The following CNTNAP2 variants were observed in gnomAD, a reference collection of about 807,000 sequenced individuals.
CNTNAP2 encodes the protein contactin-associated protein-like 2.
A neutral mutation model predicts 155.2 loss-of-function variants in CNTNAP2; 98 were observed. The ratio of observed to expected loss-of-function variants is 0.63; its 90% CI spans 0.54 to 0.75. CNTNAP2 has a LOEUF of 0.75. CNTNAP2 is among the 30% of genes least tolerant of loss of function. The probability of loss-of-function intolerance (pLI) is 0.00; values close to 1 mark genes in which losing one functional copy is unlikely to be tolerated. For missense variants in CNTNAP2, 1,727 were observed against 1,688.1 expected (o/e 1.02, Z -0.40); for synonymous variants, 651 against 631.2 (o/e 1.03, Z -0.47).
chr7:146,141,400 A>G (rs1315610039), intron 1 of CNTNAP2, among the ~76,000 whole-genome samples: 1 of 151,906 alleles, frequency 6.6e-6, no homozygotes, highest in African/African-American at 2.4e-5. Flanking sequence ...TGTATTTTTT[A>G]TGGATTTACT....
chr7:147,381,684 T>C (rs1030976547), intron 9 of CNTNAP2, among the ~76,000 whole-genome samples: 8 of 152,142 alleles, frequency 5.3e-5, no homozygotes. Context: ...TTGCTAAGTA[T>C]CCTAGTTTGT....
intron 1 of CNTNAP2, among the ~76,000 whole-genome samples, chr7:146,121,357 G>A (rs1279463188): frequency 6.6e-6 from 1 of 151,862 alleles, no homozygotes; most frequent in Admixed American, 6.6e-5. Context: ...GTCTACACAT[G>A]TCATCTGTTT....
Position 146,665,649 on chromosome 7 carries a change from C to T in CNTNAP2, c.98-108622C>T, listed in dbSNP as rs1032775564. Among the ~76,000 whole-genome samples, 9 of 151,306 alleles carry T rather than the reference C, an allele frequency of 5.9e-5. No individual in the cohort carries two copies. The South Asian group carries it at 1.0e-3, about 18-fold the overall frequency. On this transcript the variant is annotated intron_variant, in intron 1 of 23. Coordinates refer to ENST00000361727, the MANE Select transcript of CNTNAP2 (RefSeq NM_014141.6). ...ATACAAAATTAGCCAAATGTGGTGG[C>T]GCATGCCTGTAGTCCCAGCTACTCG...
chr7:146,814,994 T>C (rs955649371), intron 2 of CNTNAP2, among the ~76,000 whole-genome samples: 3 of 152,220 alleles, frequency 2.0e-5, no homozygotes, highest in Non-Finnish European at 2.9e-5. Context: ...CTTTATGTTT[T>C]GAAAAATTAA....
intron 8 of CNTNAP2, among the ~76,000 whole-genome samples, chr7:147,298,727 G>A (rs888618811): frequency 1.3e-5 from 2 of 152,194 alleles, no homozygotes; most frequent in Non-Finnish European, 2.9e-5. Flanking sequence ...AGGGCATGTG[G>A]TATGTAAATA....
At chr7:148,403,193 C>T (rs1799628713) in intron 22 of CNTNAP2, among the ~76,000 whole-genome samples, 1 of 150,604 alleles carries the variant, frequency 6.6e-6, no homozygotes, top group Admixed American at 6.6e-5. Context: ...TCAATTCCTC[C>T]AGCAATATGT....
chr7:146,476,393 C>A (rs1270770355), intron 1 of CNTNAP2, among the ~76,000 whole-genome samples: 1 of 152,166 alleles, frequency 6.6e-6, no homozygotes, highest in Non-Finnish European at 1.5e-5. Flanking sequence ...GAAGATACTG[C>A]AGAATTCATA....
chr7:147,711,288 C>A (rs570061994), intron 13 of CNTNAP2, among the ~76,000 whole-genome samples: 1 of 152,228 alleles, frequency 6.6e-6, no homozygotes, highest in East Asian at 1.9e-4. Context: ...AATTCCTGAG[C>A]TTTAGTCACT....
In CNTNAP2 at chr7:146,378,239, T is replaced by TG. The variant is rs147023060; in HGVS notation, c.97+261268dup. ...GCCATGAAACTGAATTTTGTAATCT[T>TG]GGTTGTGAGATTACAAATGATATTT... On this transcript the variant is annotated intron_variant, in intron 1 of 23. Coordinates refer to ENST00000361727, the MANE Select transcript of CNTNAP2 (RefSeq NM_014141.6). 6.6e-3 allele frequency among the ~76,000 whole-genome samples: 1,008 copies of TG among 152,302 alleles called. 9 individuals carry two copies. The highest frequency in any genetic ancestry group is 0.014 in the Middle Eastern group (4 of 294).
At chr7:147,218,394 A>G (rs571724428) in intron 8 of CNTNAP2, among the ~76,000 whole-genome samples, 9 of 151,710 alleles carry the variant, frequency 5.9e-5, no homozygotes, top group Non-Finnish European at 1.0e-4. Context: ...CATTTTACCC[A>G]TGTGTTATTT....
rs193200260 is a variant in CNTNAP2 at position 147,849,334 on chromosome 7, G to T, written c.2099-54231G>T. Among the ~76,000 whole-genome samples the T allele has an allele frequency of 5.7e-4, 86 of 152,204 alleles. No homozygotes were observed. In the East Asian group the frequency reaches 6.2e-3, roughly 11 times the overall value. On this transcript the variant is annotated intron_variant, in intron 13 of 23. Coordinates refer to ENST00000361727, the MANE Select transcript of CNTNAP2 (RefSeq NM_014141.6). ...AGTATTTTCATTTCTCAGCATCATT[G>T]TTTGTAGGGGAAAACAAATTAATCA...
chr7:147,751,592 C>T (rs1420066585), intron 13 of CNTNAP2, among the ~76,000 whole-genome samples: 2 of 152,116 alleles, frequency 1.3e-5, no homozygotes, highest in African/African-American at 2.4e-5. Context: ...AGATCAAGAG[C>T]CAGAATAAAA....
chr7:146,487,175 A>G (rs1797070119), intron 1 of CNTNAP2, among the ~76,000 whole-genome samples: 2 of 152,234 alleles, frequency 1.3e-5, no homozygotes, highest in Admixed American at 6.5e-5. Flanking sequence ...TTAAAAGATA[A>G]CAAAAACGGA....
chr7:146,369,969 T>C (rs1795209945), intron 1 of CNTNAP2, among the ~76,000 whole-genome samples: 1 of 152,110 alleles, frequency 6.6e-6, no homozygotes, highest in African/African-American at 2.4e-5. Flanking sequence ...GTACTTTTAA[T>C]TTATTGTCAT....
chr7:147,770,072 C>CT lies in CNTNAP2; in HGVS notation c.2098+130767dup, dbSNP rs534081576. On this transcript the variant is annotated intron_variant, in intron 13 of 23. Transcript: ENST00000361727. The stretch of plus-strand genomic sequence containing the variant: ...TGTGTGTGAGAGACACGATATACAC[C>CT]TGTCCTTTTGAGCAAGAGTCAAATT... Among the ~76,000 whole-genome samples, 717 of 152,224 alleles carry CT rather than the reference C, an allele frequency of 4.7e-3. 6 individuals carry two copies. Among genetic ancestry groups the CT allele is most frequent in the Non-Finnish European group, 4.7e-3 (318 of 68,006 alleles).
chr7:146,659,720 T>C (rs117802776), intron 1 of CNTNAP2, among the ~76,000 whole-genome samples: 3,464 of 152,306 alleles, frequency 0.023, 46 homozygotes, highest in Middle Eastern at 0.041. Context: ...TTAATAACTT[T>C]GAGGAAAATG....
chr7:146,466,774 T>C (rs1051763105), intron 1 of CNTNAP2, among the ~76,000 whole-genome samples: 2 of 152,186 alleles, frequency 1.3e-5, no homozygotes, highest in African/African-American at 4.8e-5. Flanking sequence ...ATCAGACCAA[T>C]TGTTGAATAA....
At chr7:147,593,827 A>G (rs186688885) in intron 12 of CNTNAP2, among the ~76,000 whole-genome samples, 26 of 152,278 alleles carry the variant, frequency 1.7e-4, no homozygotes, top group African/African-American at 6.3e-4. Context: ...TTTCTTAGAC[A>G]TTTTAAAGAC....
rs1483110052 is a variant in CNTNAP2, at chr7:148,415,418, C to T, written c.3798C>T (p.Gly1266=). The part of the protein sequence containing the change: ...GVNRNSAIIG[G]VIAVVIFTIL... ...TCGTGCTTCTCCTTTCTCCGTCAGG[C>T]GTCATTGCTGTGGTGATTTTCACCA... Residue 1266 remains glycine, a splice_region_variant and synonymous_variant, in exon 24 of 24, where the codon GGC becomes GGT. Coordinates refer to ENST00000361727, the MANE Select transcript of CNTNAP2 (RefSeq NM_014141.6). The T allele has an allele frequency of 6.2e-6, 10 of 1,613,326 alleles. No homozygotes were observed. Among genetic ancestry groups the T allele is most frequent in the Middle Eastern group, 1.6e-4 (1 of 6,084 alleles).
Sources: gnomAD v4.1 joint callset for allele counts (sites outside exome capture counted in the v4.1 genomes callset) on GRCh38, gnomAD v4.1.1 for gene constraint, MANE v1.5 for transcripts, NCBI Gene and HGNC (gene_info 2026-07-23, HGNC 2026-07-21) for gene names.